CBFB: variants seen among roughly 807,000 people sequenced by gnomAD.
The protein encoded by CBFB is core-binding factor subunit beta.
CBFB carries 9 observed loss-of-function variants against 30.4 expected under a neutral mutation model. That is an observed-to-expected ratio of 0.30 (90% confidence interval 0.18 to 0.52). CBFB has a LOEUF of 0.52. Ranked by LOEUF, CBFB falls within the 20% of genes least tolerant of loss-of-function variation. The probability of loss-of-function intolerance (pLI) is 0.97; values close to 1 mark genes in which losing one functional copy is unlikely to be tolerated. For missense variants in CBFB, 170 were observed against 244.0 expected (o/e 0.70, Z 2.02); for synonymous variants, 94 against 84.0 (o/e 1.12, Z -0.65).
chr16:67,074,327 A>G (rs1413380204), intron 4 of CBFB, among the ~76,000 whole-genome samples: 1 of 152,062 alleles, frequency 6.6e-6, no homozygotes. Context: ...AGCCCCTTAT[A>G]CCATTCACAA....
At chr16:67,066,868 A>C in intron 4 of CBFB, 70 bp downstream of exon 4, 1 of 790,476 alleles carries the variant, frequency 1.3e-6, no homozygotes. Flanking sequence ...CTGGGGACCT[A>C]TTTTACCCAA....
intron 5 of CBFB, among the ~76,000 whole-genome samples, chr16:67,091,387 C>T (rs1050658417): frequency 3.3e-5 from 5 of 152,132 alleles, no homozygotes; most frequent in African/African-American, 9.7e-5. Flanking sequence ...ATCATGAGTG[C>T]ATCCTATGTG....
rs1961361349 is a variant in CBFB, at chr16:67,075,286, G to A, written c.400-6927G>A. Among the ~76,000 whole-genome samples, 3 of 150,942 alleles carry A rather than the reference G, an allele frequency of 2.0e-5. No homozygotes were observed. The Admixed American group carries it at 2.0e-4, about 10-fold the overall frequency. On this transcript the variant is annotated intron_variant, in intron 4 of 5. Coordinates refer to ENST00000412916, the MANE Select transcript of CBFB (RefSeq NM_022845.3). ...AATATTTTCATTGAAAGGAAACACA[G>A]ACAACCTAAAAGAAATTGGCGAAAG...
intron 3 of CBFB, among the ~76,000 whole-genome samples, chr16:67,041,579 GC>G (rs1204565971): frequency 6.6e-6 from 1 of 151,924 alleles, no homozygotes; most frequent in Non-Finnish European, 1.5e-5. Flanking sequence ...TCCAGCCTGG[GC>G]AACAAGAGTG....
intron 4 of CBFB, among the ~76,000 whole-genome samples, chr16:67,076,141 A>T (rs1401042423): frequency 6.6e-6 from 1 of 152,140 alleles, no homozygotes; most frequent in Admixed American, 6.5e-5. Context: ...GAGGCAGGAG[A>T]ATCGCTTGGA....
At chr16:67,062,963 T>G (rs1351956419) in intron 3 of CBFB, among the ~76,000 whole-genome samples, 1 of 152,148 alleles carries the variant, frequency 6.6e-6, no homozygotes, top group Non-Finnish European at 1.5e-5. Flanking sequence ...TGAGGTGTGC[T>G]AATAGGTGAA....
At chr16:67,029,644 C>T in intron 1 of CBFB, 83 bp from the exon 2 acceptor site, 7 of 1,392,424 alleles carry the variant, frequency 5.0e-6, no homozygotes, top group Non-Finnish European at 6.9e-6. Context: ...TCTGCTTGCC[C>T]TTATCGGCGC....
intron 3 of CBFB, among the ~76,000 whole-genome samples, chr16:67,055,490 T>G (rs367703859): frequency 6.7e-6 from 1 of 149,602 alleles, no homozygotes; most frequent in South Asian, 2.2e-4. Flanking sequence ...CTCAGCCTAC[T>G]GAGTAGGTGC....
chr16:67,086,255 C>G (rs1009442710), intron 5 of CBFB, among the ~76,000 whole-genome samples: 3 of 152,050 alleles, frequency 2.0e-5, no homozygotes, highest in Non-Finnish European at 1.5e-5. Flanking sequence ...ATTTCTGAAC[C>G]TTTTTGCTCA....
chr16:67,029,869 GC>G, intron 2 of CBFB, 56 bp downstream of exon 2: 1 of 1,302,724 alleles, frequency 7.7e-7, no homozygotes, highest in Non-Finnish European at 1.0e-6. Context: ...GGCCGCGGCG[GC>G]CCAGGCCGGT....
chr16:67,068,002 G>A (rs994008050), intron 4 of CBFB, among the ~76,000 whole-genome samples: 3 of 152,194 alleles, frequency 2.0e-5, no homozygotes, highest in Non-Finnish European at 4.4e-5. Context: ...ACTTTTCCCT[G>A]GATGAACACA....
intron 3 of CBFB, among the ~76,000 whole-genome samples, chr16:67,050,237 T>C (rs952074774): frequency 6.8e-6 from 1 of 147,732 alleles, no homozygotes; most frequent in African/African-American, 2.5e-5. Flanking sequence ...TATTTATATG[T>C]AATATATATC....
chr16:67,100,399 T>C lies in CBFB; in HGVS notation c.*1621T>C, dbSNP rs1278571671. 2.2e-5 allele frequency: 5 copies of C among 223,024 alleles called. No homozygotes were observed. Among genetic ancestry groups the C allele is most frequent in the Non-Finnish European group, 4.5e-5 (5 of 111,500 alleles). 13.8% of individuals were successfully genotyped at this position (223,024 alleles called of 1,614,324 possible). On this transcript the variant is annotated 3_prime_UTR_variant, in exon 6 of 6. Coordinates refer to ENST00000412916, the MANE Select transcript of CBFB (RefSeq NM_022845.3). ...TTTGTTATATATTTGAAGTTATGCA[T>C]GGAAAGGAGTGTGTTTAAATTGTTA...
chr16:67,044,544 TTA>T (rs1966590030), intron 3 of CBFB, among the ~76,000 whole-genome samples: 1 of 152,178 alleles, frequency 6.6e-6, no homozygotes, highest in Non-Finnish European at 1.5e-5. Context: ...TTTCTGGACT[TTA>T]TACTTAAAAG....
intron 4 of CBFB, among the ~76,000 whole-genome samples, chr16:67,067,763 G>T (rs2145752315): frequency 6.6e-6 from 1 of 152,284 alleles, no homozygotes; most frequent in African/African-American, 2.4e-5. Flanking sequence ...CCATGCCCAG[G>T]CATATTGTTT....
Position 67,099,995 on chromosome 16 carries a change from C to CTAT in CBFB, c.*1220_*1222dup, listed in dbSNP as rs1358998239. ...ATATATATGGTATTTTGCAAAAGGA[C>CTAT]TATTAATAGAACCTTTTGAGATGAA... is the stretch of plus-strand genomic sequence containing the variant. On this transcript the variant is annotated 3_prime_UTR_variant, in exon 6 of 6. Transcript: ENST00000412916. 4 of 208,670 alleles carry CTAT rather than the reference C, an allele frequency of 1.9e-5. No homozygotes were observed. The highest frequency in any genetic ancestry group is 2.0e-5 in the Non-Finnish European group (2 of 102,424). 12.9% of individuals were successfully genotyped at this position (208,670 alleles called of 1,614,324 possible). A position where few individuals can be genotyped will look rare whatever the true frequency, so the allele number is the denominator to read the frequency against.
chr16:67,061,867 A>G (rs1429276109), intron 3 of CBFB, among the ~76,000 whole-genome samples: 1 of 152,030 alleles, frequency 6.6e-6, no homozygotes, highest in African/African-American at 2.4e-5. Context: ...CCCCGTCTCT[A>G]CTGAAAATAC....
At chr16:67,064,364 G>A (rs555862223) in intron 3 of CBFB, among the ~76,000 whole-genome samples, 36 of 152,214 alleles carry the variant, frequency 2.4e-4, no homozygotes, top group African/African-American at 8.2e-4. Context: ...CCGCCACCAT[G>A]CCCAGCTAAT....
chr16:67,034,206 A>G (rs1228481419), intron 2 of CBFB, among the ~76,000 whole-genome samples: 1 of 152,202 alleles, frequency 6.6e-6, no homozygotes, highest in Non-Finnish European at 1.5e-5. Flanking sequence ...AAAAATATTT[A>G]TAAGAAGTAT....
Sources: gnomAD v4.1 joint callset for allele counts (sites outside exome capture counted in the v4.1 genomes callset) on GRCh38, gnomAD v4.1.1 for gene constraint, MANE v1.5 for transcripts, NCBI Gene and HGNC (gene_info 2026-07-23, HGNC 2026-07-21) for gene names.